ANKFN1: variants seen among roughly 807,000 people sequenced by gnomAD.
ANKFN1 encodes ankyrin repeat and fibronectin type-III domain-containing protein 1.
ANKFN1 carries 74 observed loss-of-function variants against 108.7 expected under a neutral mutation model. The ratio of observed to expected loss-of-function variants is 0.68; its 90% CI spans 0.56 to 0.83. The LOEUF is 0.83. ANKFN1 is among the 40% of genes least tolerant of loss of function. The pLI, the probability that ANKFN1 is intolerant of heterozygous loss-of-function variation, is 0.00. For missense variants in ANKFN1, 1,505 were observed against 1,382.3 expected, an observed-to-expected ratio of 1.09 and a Z score of -1.41; for synonymous variants, 547 against 516.2, an observed-to-expected ratio of 1.06 and a Z score of -0.81.
intron 8 of ANKFN1, among the ~76,000 whole-genome samples, chr17:56,383,527 T>C (rs911636438): frequency 4.8e-4 from 73 of 152,006 alleles, no homozygotes; most frequent in African/African-American, 1.6e-3. Context: ...TTCAAAAAAT[T>C]AATGAATCCA....
At chr17:56,083,514 C>G (rs1905272823) in intron 4 of ANKFN1, among the ~76,000 whole-genome samples, 1 of 151,450 alleles carries the variant, frequency 6.6e-6, no homozygotes, top group South Asian at 2.1e-4. Context: ...AGCTCAAAGT[C>G]ATTTCACATG....
At chr17:56,256,401 T>G (rs986089466) in intron 3 of ANKFN1, among the ~76,000 whole-genome samples, 13 of 152,214 alleles carry the variant, frequency 8.5e-5, no homozygotes, top group Admixed American at 7.2e-4. Flanking sequence ...TTCTCTGTCC[T>G]CATAAAAGGA....
intron 3 of ANKFN1, among the ~76,000 whole-genome samples, chr17:56,240,018 CAT>C (rs1443327333): frequency 2.6e-5 from 4 of 152,102 alleles, no homozygotes; most frequent in Non-Finnish European, 5.9e-5. Flanking sequence ...ATATTTCAAA[CAT>C]AGAGGAAAAT....
In ANKFN1 at chr17:56,353,945, C is replaced by A; in HGVS notation, c.500C>A (p.Pro167His). The A allele has an allele frequency of 6.2e-7, 1 of 1,614,014 alleles. No homozygotes were observed. The highest frequency in any genetic ancestry group is 2.2e-5 in the East Asian group (1 of 44,846). Residue 167 changes from proline (P) to histidine (H), a missense_variant, in exon 6 of 21, where the codon CCT becomes CAT. Pro to His is a moderately conservative substitution (Grantham distance 77). Coordinates refer to ENST00000682825, the MANE Select transcript of ANKFN1 (RefSeq NM_001370326.1). ...CCAGAAGAACTTGACCTCAACACACCTAACAGCGAGGGCTTGACACCCCTG... is the reference window on the plus strand; with the variant it reads ...CCAGAAGAACTTGACCTCAACACACATAACAGCGAGGGCTTGACACCCCTG... ...YTPEELDLNT[P>H]NSEGLTPLDI... is the part of the protein sequence containing the mutation.
At chr17:56,364,512 T>C (rs2046610352) in intron 6 of ANKFN1, among the ~76,000 whole-genome samples, 1 of 152,222 alleles carries the variant, frequency 6.6e-6, no homozygotes, top group South Asian at 2.1e-4. Flanking sequence ...ACTGAAAATA[T>C]TGGCAGAAAA....
intron 8 of ANKFN1, among the ~76,000 whole-genome samples, chr17:56,434,443 T>A (rs2048866732): frequency 1.3e-5 from 2 of 151,972 alleles, no homozygotes; most frequent in African/African-American, 4.8e-5. Context: ...GCCCTTAATT[T>A]AAATCATTGT....
upstream of ANKFN1, among the ~76,000 whole-genome samples, chr17:56,148,750 T>G (rs1372195770): frequency 6.6e-6 from 1 of 152,246 alleles, no homozygotes; most frequent in Non-Finnish European, 1.5e-5. Context: ...CACATTTCCA[T>G]TAATTATTTA....
At chr17:56,176,023 CTATT>C (rs1282376619) in intron 1 of ANKFN1, among the ~76,000 whole-genome samples, 3 of 151,482 alleles carry the variant, frequency 2.0e-5, no homozygotes, top group African/African-American at 7.3e-5. Flanking sequence ...TAATTTAAAT[CTATT>C]TATTTGATTT....
At chr17:56,244,143 G>A (rs1235413230) in intron 3 of ANKFN1, among the ~76,000 whole-genome samples, 2 of 152,092 alleles carry the variant, frequency 1.3e-5, no homozygotes, top group Non-Finnish European at 2.9e-5. Flanking sequence ...CTGTGTAAGT[G>A]ATGAGCTTTC....
At chr17:56,397,474 G>C (rs1370963023) in intron 8 of ANKFN1, among the ~76,000 whole-genome samples, 1 of 152,158 alleles carries the variant, frequency 6.6e-6, no homozygotes, top group Non-Finnish European at 1.5e-5. Context: ...TTCTGACAAT[G>C]TGCATTTGGT....
intron 6 of ANKFN1, chr17:56,368,170 G>A (rs1004843427): frequency 6.1e-5 from 81 of 1,332,770 alleles, no homozygotes; most frequent in Non-Finnish European, 8.0e-5. Flanking sequence ...TCCAGAGAAT[G>A]AACCTTTTGA....
intron 8 of ANKFN1, among the ~76,000 whole-genome samples, chr17:56,378,466 T>C (rs1481456077): frequency 6.6e-6 from 1 of 152,184 alleles, no homozygotes; most frequent in Non-Finnish European, 1.5e-5. Flanking sequence ...CTACACCTTG[T>C]AGTTGGGTGG....
intron 3 of ANKFN1, among the ~76,000 whole-genome samples, chr17:56,250,559 A>AT (rs1336013912): frequency 3.3e-5 from 5 of 152,206 alleles, no homozygotes; most frequent in African/African-American, 1.2e-4. Context: ...CACACAGAGT[A>AT]TTTTTTCTTA....
intron 4 of ANKFN1, among the ~76,000 whole-genome samples, chr17:56,084,146 CAA>C (rs1905280291): frequency 6.6e-6 from 1 of 151,060 alleles, no homozygotes; most frequent in Admixed American, 6.6e-5. Context: ...CGAAATTTCT[CAA>C]TATTTAAGAA....
intron 3 of ANKFN1, among the ~76,000 whole-genome samples, chr17:56,238,531 G>A (rs563619676): frequency 1.1e-4 from 16 of 152,228 alleles, no homozygotes; most frequent in Middle Eastern, 6.8e-3. Flanking sequence ...TTACTATTAT[G>A]TAATGCCCTT....
At chr17:56,287,345 T>C (rs2044246398) in intron 3 of ANKFN1, among the ~76,000 whole-genome samples, 1 of 152,188 alleles carries the variant, frequency 6.6e-6, no homozygotes, top group South Asian at 2.1e-4. Context: ...GCATCATGGC[T>C]TTGGACAAAG....
At chr17:56,319,831 C>T (rs1292206467) in intron 3 of ANKFN1, among the ~76,000 whole-genome samples, 1 of 151,886 alleles carries the variant, frequency 6.6e-6, no homozygotes, top group Admixed American at 6.6e-5. Flanking sequence ...TTTATCAGCC[C>T]GAACTTCATA....
intron 3 of ANKFN1, among the ~76,000 whole-genome samples, chr17:56,322,318 T>C (rs939049087): frequency 1.9e-4 from 29 of 152,262 alleles, no homozygotes; most frequent in African/African-American, 7.2e-5. Context: ...GTAAGTTCTA[T>C]CTCCAAATAT....
chr17:56,240,590 A>G (rs1382618086), intron 3 of ANKFN1, among the ~76,000 whole-genome samples: 1 of 152,106 alleles, frequency 6.6e-6, no homozygotes, highest in Non-Finnish European at 1.5e-5. Flanking sequence ...TCTCATTAAT[A>G]TTACCAGATA....
Sources: allele counts gnomAD v4.1 joint callset (sites outside exome capture counted in the v4.1 genomes callset), GRCh38; gene constraint gnomAD v4.1.1; transcripts MANE v1.5; gene names NCBI Gene and HGNC (gene_info 2026-07-23, HGNC 2026-07-21).